TTC16: variants seen among roughly 807,000 people sequenced by gnomAD.
TTC16 encodes the protein tetratricopeptide repeat domain 16, also known as tetratricopeptide repeat protein 16.
A neutral mutation model predicts 80.4 loss-of-function variants in TTC16; 66 were observed. The ratio of observed to expected loss-of-function variants is 0.82; its 90% CI spans 0.67 to 1.01. TTC16 has a LOEUF of 1.01. Ranked by LOEUF, TTC16 falls within the 50% of genes least tolerant of loss-of-function variation. TTC16 has a pLI of 0.00. For synonymous variants in TTC16, 438 were observed against 451.3 expected (o/e 0.97, Z 0.37); for missense variants, 1,070 against 1,103.2 (o/e 0.97, Z 0.43).
Position 127,731,078 on chromosome 9 carries a change from C to G in TTC16, c.2295C>G (p.Thr765=). Residue 765 remains threonine (T), a synonymous_variant, in exon 14 of 14, where the codon ACC becomes ACG. Transcript: ENST00000373289. ...PRQEPSKTKT[T]RSPRQRPRKV... ...AGGAGCCCAGCAAGACCAAGACCAC[C>G]CGGAGCCCAAGGCAGAGGCCCAGAA... 1 of 1,612,212 alleles carries G rather than the reference C, an allele frequency of 6.2e-7. No homozygotes were observed.
chr9:127,724,643 G>A (rs1385132068), intron 8 of TTC16, 113 bp from the exon 9 acceptor site: 7 of 1,400,336 alleles, frequency 5.0e-6, no homozygotes, highest in Non-Finnish European at 6.7e-6. Context: ...GACTGCGGCG[G>A]GGGGTTATCA....
In TTC16 at chr9:127,727,390, G is replaced by T. The variant is rs186574750; in HGVS notation, c.1689G>T (p.Gln563His). The change falls in exon 12 of 14, where the codon CAG becomes CAT. Residue 563 changes from glutamine (Q) to histidine (H), a missense_variant. Coordinates refer to ENST00000373289, the MANE Select transcript of TTC16 (RefSeq NM_144965.3). ...EELKATPEIP[Q>H]VKPGSSEGEA... ...TGAAGGCCACCCCTGAGATTCCGCAGGTAAAACCGGGAAGCTCAGAGGGAG... is the reference window on the plus strand; with the variant it reads ...TGAAGGCCACCCCTGAGATTCCGCATGTAAAACCGGGAAGCTCAGAGGGAG... The T allele has an allele frequency of 1.9e-4, 301 of 1,611,508 alleles. No homozygotes were observed. The highest frequency in any genetic ancestry group is 2.4e-4 in the Non-Finnish European group (286 of 1,179,286).
chr9:127,720,001 A>G, intron 4 of TTC16, 77 bp from the exon 5 acceptor site: 1 of 1,302,426 alleles, frequency 7.7e-7, no homozygotes, highest in Non-Finnish European at 1.1e-6. Flanking sequence ...CTCCTGCCTC[A>G]GGGCTTTCTG....
intron 4 of TTC16, among the ~76,000 whole-genome samples, chr9:127,719,555 C>T (rs140363784): frequency 1.8e-4 from 27 of 152,276 alleles, no homozygotes; most frequent in Non-Finnish European, 3.2e-4. Flanking sequence ...GGCTGTGGCA[C>T]GATCTCGGCT....
rs367746458 is a variant in TTC16 at position 127,726,989 on chromosome 9, A to G, written c.1445A>G (p.Asn482Ser). Residue 482 changes from asparagine (N) to serine (S), a missense_variant, in exon 11 of 14, where the codon AAC becomes AGC. Coordinates refer to ENST00000373289, the MANE Select transcript of TTC16 (RefSeq NM_144965.3). ...KQPKLSLLMT[N>S]LFPGMSVEEV... The stretch of plus-strand genomic sequence containing the variant: ...TGGCAGCTGTCCCTGCTGATGACCA[A>G]CCTCTTCCCGGGCATGTCGGTGGAG... 1.9e-5 allele frequency: 31 copies of G among 1,612,922 alleles called. 1 individual carries two copies. The highest frequency in any genetic ancestry group is 6.7e-5 in the African/African-American group (5 of 74,888).
At chr9:127,716,471 C>T in intron 1 of TTC16, 2 of 553,120 alleles carry the variant, frequency 3.6e-6, no homozygotes, top group East Asian at 3.0e-5. Context: ...GAAGGTTACC[C>T]AAGGGACTGT....
intron 10 of TTC16, among the ~76,000 whole-genome samples, 153 bp from the exon 11 acceptor site, chr9:127,726,817 A>C (rs111605434): frequency 0.66 from 99,266 of 150,168 alleles, 34,222 homozygotes; most frequent in African/African-American, 0.82. Context: ...AAAAAAAAAA[A>C]AAAACAAACA....
chr9:127,720,890 T>C (rs1029004228), intron 6 of TTC16, among the ~76,000 whole-genome samples: 20 of 15,526 alleles, frequency 1.3e-3, no homozygotes, highest in South Asian at 2.5e-3. Context: ...TTCCCCTTCC[T>C]CCCTCCTCCT....
intron 7 of TTC16, among the ~76,000 whole-genome samples, chr9:127,723,559 CT>C (rs1281283534): frequency 2.0e-5 from 3 of 152,258 alleles, no homozygotes; most frequent in Non-Finnish European, 4.4e-5. Context: ...AATCCTAGAG[CT>C]GCAGCCTGCA....
rs373820397 is a variant in TTC16 at position 127,722,967 on chromosome 9, CAA to C, written c.658-138_658-137del. 0.017 allele frequency: 9,485 copies of C among 570,448 alleles called. No individual in the cohort carries two copies. The highest frequency in any genetic ancestry group is 0.019 in the South Asian group (873 of 45,348). The allele number at this position is 570,448 out of a possible 1,614,324, so 35.3% of individuals were successfully genotyped here. A position where few individuals can be genotyped will look rare whatever the true frequency, so the allele number is the denominator to read the frequency against. ...TGGGTGACAGAGTGAGAATCCATCTCAAAAAAAAAAAAAAAGCAGAAAGGGTG... is the reference window on the plus strand; with the variant it reads ...TGGGTGACAGAGTGAGAATCCATCTCAAAAAAAAAAAAAGCAGAAAGGGTG... On this transcript the variant is annotated intron_variant, in intron 6 of 13. Transcript: ENST00000373289. The surrounding 1 kb of genome is among the most constrained non-coding windows in gnomAD (Gnocchi z 4.2).
intron 8 of TTC16, 77 bp from the exon 9 acceptor site, chr9:127,724,679 C>T: frequency 5.2e-6 from 8 of 1,537,580 alleles, no homozygotes; most frequent in Non-Finnish European, 6.1e-6. Context: ...CCCTGGCCCC[C>T]GGGCTGGAGC....
chr9:127,721,848 G>A (rs1328647853), intron 6 of TTC16, among the ~76,000 whole-genome samples: 2 of 152,030 alleles, frequency 1.3e-5, no homozygotes, highest in Admixed American at 6.6e-5. Context: ...GATTACAGGC[G>A]CCTGCCCAGC....
At chr9:127,729,043 G>C (rs1246011795) in intron 12 of TTC16, 2 of 153,324 alleles carry the variant, frequency 1.3e-5, no homozygotes, top group Non-Finnish European at 2.9e-5. Flanking sequence ...GCCTAGGTAG[G>C]GTCTGGCTGT....
At position 127,717,754 on chromosome 9, in the gene TTC16, C is replaced by G. The variant is rs750427543; in HGVS notation, c.408C>G (p.Thr136=). The G allele has an allele frequency of 6.2e-7, 1 of 1,613,572 alleles. No homozygotes were observed. The highest frequency in any genetic ancestry group is 2.2e-5 in the East Asian group (1 of 44,880). ...QDNCKHLERL[T]FVLYLQGQCL... is the part of the protein sequence containing the mutation. Reference sequence around the variant, plus strand: ...ACTGCAAGCACCTGGAGCGCCTCACCTTTGTGCTCTACCTACAGGTGCCTG... The same window carrying G: ...ACTGCAAGCACCTGGAGCGCCTCACGTTTGTGCTCTACCTACAGGTGCCTG... The change falls in exon 4 of 14, where the codon ACC becomes ACG. Residue 136 remains threonine, a synonymous_variant. Coordinates refer to ENST00000373289, the MANE Select transcript of TTC16 (RefSeq NM_144965.3).
rs138887109 is a variant in TTC16, at chr9:127,725,879, C to T, written c.1260-360C>T. Among the ~76,000 whole-genome samples, 255 of 152,270 alleles carry T rather than the reference C, an allele frequency of 1.7e-3. 1 individual carries two copies. Among genetic ancestry groups the T allele is most frequent in the Non-Finnish European group, 3.1e-3 (212 of 68,032 alleles). ...CCTCCCAAAGTGCTGGGATTACAGGCGTGAGCCACCATGCCCGGCCTATAC... is the reference window on the plus strand; with the variant it reads ...CCTCCCAAAGTGCTGGGATTACAGGTGTGAGCCACCATGCCCGGCCTATAC... On this transcript the variant is annotated intron_variant, in intron 9 of 13. Coordinates refer to ENST00000373289, the MANE Select transcript of TTC16 (RefSeq NM_144965.3).
At position 127,717,233 on chromosome 9, in the gene TTC16, C is replaced by T. The variant is rs753637832; in HGVS notation, c.192-101C>T. On this transcript the variant is annotated intron_variant, in intron 2 of 13. Transcript: ENST00000373289. The stretch of plus-strand genomic sequence containing the variant: ...CTTCTGTCTACTCCTCCTGCCTCTC[C>T]ACCCAGCTCCCTTGCTTCCCACAAC... 8.6e-6 allele frequency: 11 copies of T among 1,284,570 alleles called. No homozygotes were observed. The South Asian group carries it at 1.4e-4, about 16-fold the overall frequency. 79.6% of individuals were successfully genotyped at this position (1,284,570 alleles called of 1,614,324 possible).
intron 6 of TTC16, 87 bp from the exon 7 acceptor site, chr9:127,723,032 G>A: frequency 1.5e-6 from 2 of 1,373,852 alleles, no homozygotes; most frequent in Non-Finnish European, 2.0e-6. Flanking sequence ...AGGAGGCATG[G>A]TGTGATGCCA....
At chr9:127,724,984 T>C in intron 9 of TTC16, 87 bp downstream of exon 9, 4 of 1,395,924 alleles carry the variant, frequency 2.9e-6, no homozygotes, top group Non-Finnish European at 3.7e-6. Flanking sequence ...CCTGGGTCAA[T>C]CAAGCTGCTT....
chr9:127,729,771 C>A, intron 13 of TTC16, 103 bp downstream of exon 13: 1 of 1,024,964 alleles, frequency 9.8e-7, no homozygotes, highest in Non-Finnish European at 1.5e-6. Flanking sequence ...TTCGGCCCCG[C>A]TGCTGACAGC....
Sources: allele counts gnomAD v4.1 joint callset (sites outside exome capture counted in the v4.1 genomes callset), GRCh38; gene constraint gnomAD v4.1.1; non-coding constraint Gnocchi (gnomAD v3.1); transcripts MANE v1.5; gene names NCBI Gene and HGNC (gene_info 2026-07-23, HGNC 2026-07-21).